Variants in ENPP6 observed in about 807,000 individuals in gnomAD.
ENPP6 encodes the protein glycerophosphocholine cholinephosphodiesterase ENPP6.
A neutral mutation model predicts 42.0 loss-of-function variants in ENPP6; 32 were observed. The ratio of observed to expected loss-of-function variants is 0.76; its 90% CI spans 0.58 to 1.02. The LOEUF (loss-of-function observed/expected upper bound fraction) is 1.02. Ranked by LOEUF, ENPP6 falls within the 50% of genes least tolerant of loss-of-function variation. The probability of loss-of-function intolerance (pLI) is 0.00; values close to 1 mark genes in which losing one functional copy is unlikely to be tolerated. For missense variants in ENPP6, 552 were observed against 566.8 expected (o/e 0.97, Z 0.27); for synonymous variants, 213 against 216.0 (o/e 0.99, Z 0.12).
intron 1 of ENPP6, among the ~76,000 whole-genome samples, chr4:184,196,651 A>C (rs544250166): frequency 1.3e-5 from 2 of 152,342 alleles, no homozygotes; most frequent in African/African-American, 2.4e-5. Flanking sequence ...AGACAGGTGG[A>C]GGAAAGCCAG....
chr4:184,209,181 C>T (rs1164478601), intron 1 of ENPP6, among the ~76,000 whole-genome samples: 1 of 151,636 alleles, frequency 6.6e-6, no homozygotes, highest in Non-Finnish European at 1.5e-5. Flanking sequence ...CAGAGCGCCT[C>T]TCCTCTTCCA....
intron 1 of ENPP6, among the ~76,000 whole-genome samples, chr4:184,215,374 C>A (rs1360039255): frequency 2.6e-5 from 4 of 152,174 alleles, no homozygotes; most frequent in Non-Finnish European, 4.4e-5. Flanking sequence ...CTACAATTCC[C>A]AATGGCTATA....
chr4:184,114,406 T>A (rs558043427), intron 5 of ENPP6, among the ~76,000 whole-genome samples: 12 of 152,366 alleles, frequency 7.9e-5, no homozygotes, highest in Non-Finnish European at 1.5e-4. Flanking sequence ...GTTTATCAAC[T>A]CAACTCTGTA....
chr4:184,166,509 C>T (rs1471359431), intron 1 of ENPP6, among the ~76,000 whole-genome samples: 1 of 152,118 alleles, frequency 6.6e-6, no homozygotes, highest in Non-Finnish European at 1.5e-5. Flanking sequence ...AAAATGTGAG[C>T]CCTGAAGTTT....
intron 6 of ENPP6, among the ~76,000 whole-genome samples, chr4:184,103,310 T>C (rs1401262404): frequency 1.3e-5 from 2 of 152,344 alleles, no homozygotes; most frequent in South Asian, 2.1e-4. Context: ...AGTTCTTCCC[T>C]TTCTCCCTTG....
chr4:184,179,706 T>C (rs893625027), intron 1 of ENPP6, among the ~76,000 whole-genome samples: 1 of 152,106 alleles, frequency 6.6e-6, no homozygotes. Context: ...TAGAACTCAA[T>C]ATTAAGAAAC....
chr4:184,125,328 A>C (rs1736485653), intron 2 of ENPP6, among the ~76,000 whole-genome samples: 1 of 152,204 alleles, frequency 6.6e-6, no homozygotes, highest in African/African-American at 2.4e-5. Context: ...CAAAGACAGC[A>C]GCTTGACCAA....
At chr4:184,099,693 C>T (rs899288989) in intron 6 of ENPP6, among the ~76,000 whole-genome samples, 5 of 152,200 alleles carry the variant, frequency 3.3e-5, no homozygotes, top group African/African-American at 7.2e-5. Context: ...CTGAGTTTCC[C>T]GCATCCCTCG....
intron 6 of ENPP6, among the ~76,000 whole-genome samples, chr4:184,100,896 A>G (rs1735989429): frequency 6.6e-6 from 1 of 152,080 alleles, no homozygotes; most frequent in African/African-American, 2.4e-5. Context: ...GGGGCCACAG[A>G]GGTGGAGGGC....
Position 184,091,325 on chromosome 4 carries a change from A to G in ENPP6, c.1175T>C (p.Met392Thr), listed in dbSNP as rs1735788331. The change falls in exon 8 of 8, where the codon ATG becomes ACG. Residue 392 changes from methionine to threonine, a missense_variant. Transcript: ENST00000296741. The part of the protein sequence containing the change: ...PIRSVDVYNV[M>T]CNVVGITPLP... ...CGGGGTGATGCCCACCACATTGCAC[A>G]TGACATTGTAGACGTCCACCGACCT... 1 of 1,614,060 alleles carries G rather than the reference A, an allele frequency of 6.2e-7. No homozygotes were observed. The highest frequency in any genetic ancestry group is 8.5e-7 in the Non-Finnish European group (1 of 1,179,992).
chr4:184,179,967 G>T (rs1490213329), intron 1 of ENPP6, among the ~76,000 whole-genome samples: 3 of 152,100 alleles, frequency 2.0e-5, no homozygotes, highest in African/African-American at 7.2e-5. Context: ...AAGGACTAGA[G>T]AACCAAGAGT....
chr4:184,150,298 G>C (rs1057080935), intron 2 of ENPP6, among the ~76,000 whole-genome samples: 1 of 152,088 alleles, frequency 6.6e-6, no homozygotes, highest in Non-Finnish European at 1.5e-5. Flanking sequence ...AGGAAGACTT[G>C]AACTAGTGCC....
At chr4:184,124,694 A>G (rs977554418) in intron 2 of ENPP6, among the ~76,000 whole-genome samples, 20 of 152,250 alleles carry the variant, frequency 1.3e-4, no homozygotes, top group Admixed American at 1.1e-3. Flanking sequence ...GCATCTGATT[A>G]GTCAGAGGAT....
chr4:184,189,677 A>G (rs1732688464), intron 1 of ENPP6, among the ~76,000 whole-genome samples: 1 of 152,134 alleles, frequency 6.6e-6, no homozygotes, highest in Non-Finnish European at 1.5e-5. Flanking sequence ...TGTTCAAATA[A>G]ACTCCGTGGA....
chr4:184,126,416 T>C (rs1736504192), intron 2 of ENPP6, among the ~76,000 whole-genome samples: 1 of 152,210 alleles, frequency 6.6e-6, no homozygotes, highest in African/African-American at 2.4e-5. Context: ...TATAGTGCTA[T>C]GGACTTCTGT....
intron 2 of ENPP6, among the ~76,000 whole-genome samples, chr4:184,148,446 T>C (rs1736963274): frequency 6.6e-6 from 1 of 152,256 alleles, no homozygotes; most frequent in African/African-American, 2.4e-5. Flanking sequence ...TTTTGAACAC[T>C]GCAGGAATCA....
At chr4:184,179,559 A>G (rs770401213) in intron 1 of ENPP6, among the ~76,000 whole-genome samples, 1 of 152,232 alleles carries the variant, frequency 6.6e-6, no homozygotes, top group Non-Finnish European at 1.5e-5. Context: ...AACAGAATAT[A>G]CATTCTTCTC....
chr4:184,162,953 GT>G (rs879264064), intron 1 of ENPP6, among the ~76,000 whole-genome samples: 4 of 152,134 alleles, frequency 2.6e-5, no homozygotes, highest in Non-Finnish European at 4.4e-5. Flanking sequence ...CGCTCCCCGA[GT>G]GGTGAATAGC....
chr4:184,208,930 TGACCCCC>T (rs1283369882), intron 1 of ENPP6, among the ~76,000 whole-genome samples: 1 of 144,168 alleles, frequency 6.9e-6, no homozygotes, highest in Non-Finnish European at 1.5e-5. Flanking sequence ...CCCTGACCCC[TGACCCCC>T]GAGCAGCCTA....
Sources: allele counts gnomAD v4.1 joint callset (sites outside exome capture counted in the v4.1 genomes callset), GRCh38; gene constraint gnomAD v4.1.1; transcripts MANE v1.5; gene names NCBI Gene and HGNC (gene_info 2026-07-23, HGNC 2026-07-21).